Variants in GRAMD1C observed in about 807,000 individuals in gnomAD.
The protein encoded by GRAMD1C is protein Aster-C.
GRAMD1C carries 89 observed loss-of-function variants against 97.8 expected under a neutral mutation model. That is an observed-to-expected ratio of 0.91 (90% CI 0.77 to 1.09). The LOEUF (loss-of-function observed/expected upper bound fraction) is 1.09. GRAMD1C is among the 50% of genes least tolerant of loss of function. The pLI is 0.00. For synonymous variants in GRAMD1C, 256 were observed against 267.0 expected, an observed-to-expected ratio of 0.96 and a Z score of 0.40; for missense variants, 740 against 766.4, an observed-to-expected ratio of 0.97 and a Z score of 0.41.
intron 2 of GRAMD1C, among the ~76,000 whole-genome samples, chr3:113,860,812 A>G (rs1219688954): frequency 6.6e-6 from 1 of 152,034 alleles, no homozygotes; most frequent in Non-Finnish European, 1.5e-5. Flanking sequence ...TAAAAATATA[A>G]AAAATTAGCT....
intron 8 of GRAMD1C, among the ~76,000 whole-genome samples, chr3:113,907,136 C>T (rs1371421764): frequency 6.6e-6 from 1 of 152,202 alleles, no homozygotes; most frequent in Non-Finnish European, 1.5e-5. Flanking sequence ...TCCTAGCACA[C>T]ATTAAATATC....
rs140078248 is a variant in GRAMD1C at position 113,908,204 on chromosome 3, T to A, written c.790-754T>A. Among the ~76,000 whole-genome samples, 674 of 152,336 alleles carry A rather than the reference T, an allele frequency of 4.4e-3. 7 individuals are homozygous for A. The highest frequency in any genetic ancestry group is 0.015 in the African/African-American group (639 of 41,578). The stretch of plus-strand genomic sequence containing the variant: ...CAAGAAAATATTCTGCTGTATAGTT[T>A]ATATAGACTTTTTGTACTATTCCAC... On this transcript the variant is annotated intron_variant, in intron 8 of 17. Coordinates refer to ENST00000358160, the MANE Select transcript of GRAMD1C (RefSeq NM_017577.5).
chr3:113,879,667 C>T (rs1015417722), intron 5 of GRAMD1C, among the ~76,000 whole-genome samples: 1 of 151,390 alleles, frequency 6.6e-6, no homozygotes, highest in Middle Eastern at 3.2e-3. Context: ...GGCTCTGACA[C>T]TCCACACGGG....
Position 113,940,266 on chromosome 3 carries a change from C to G in GRAMD1C, c.1829C>G (p.Ala610Gly), listed in dbSNP as rs751726430. Residue 610 changes from alanine (A) to glycine (G), a missense_variant, in exon 17 of 18, where the codon GCA (alanine) becomes GGA (glycine). Ala to Gly is a moderately conservative substitution (Grantham distance 60). Coordinates refer to ENST00000358160, the MANE Select transcript of GRAMD1C (RefSeq NM_017577.5). ...TTAGCCTCTGATATGGTGTCAAGAG[C>G]AGAAACTATTCAGAAGAATAAAGAT... ...LNLASDMVSR[A>G]ETIQKNKDQA... is the part of the protein sequence containing the mutation. 1.2e-6 allele frequency: 2 copies of G among 1,606,254 alleles called. No individual in the cohort carries two copies. Among genetic ancestry groups the G allele is most frequent in the Non-Finnish European group, 1.7e-6 (2 of 1,172,784 alleles).
chr3:113,859,369 A>G (rs934825605), intron 2 of GRAMD1C, among the ~76,000 whole-genome samples: 5 of 152,048 alleles, frequency 3.3e-5, no homozygotes, highest in African/African-American at 1.2e-4. Context: ...TGTGTTGTTT[A>G]GTTTCCAAGT....
At chr3:113,882,957 C>T (rs374184421) in intron 6 of GRAMD1C, 125 bp downstream of exon 6, 4 of 505,970 alleles carry the variant, frequency 7.9e-6, no homozygotes, top group Non-Finnish European at 1.4e-5. Flanking sequence ...TAAGTAGAAA[C>T]TTCAATCAAA....
intron 6 of GRAMD1C, among the ~76,000 whole-genome samples, chr3:113,888,889 A>C (rs1935610247): frequency 6.6e-6 from 1 of 152,242 alleles, no homozygotes; most frequent in African/African-American, 2.4e-5. Flanking sequence ...CCAAATGTCC[A>C]TCAAGTGATT....
intron 1 of GRAMD1C, among the ~76,000 whole-genome samples, chr3:113,839,859 A>G (rs1348852134): frequency 1.3e-5 from 2 of 152,218 alleles, no homozygotes; most frequent in African/African-American, 2.4e-5. Context: ...CCACACAGCT[A>G]ATAAGTCAGA....
intron 2 of GRAMD1C, among the ~76,000 whole-genome samples, chr3:113,849,112 T>C: frequency 6.6e-6 from 1 of 152,116 alleles, no homozygotes; most frequent in Non-Finnish European, 1.5e-5. Context: ...ACATATGCAT[T>C]TATTTAGTGC....
intron 9 of GRAMD1C, among the ~76,000 whole-genome samples, chr3:113,913,858 A>G (rs567524509): frequency 6.6e-6 from 1 of 152,320 alleles, no homozygotes; most frequent in African/African-American, 2.4e-5. Context: ...CTGAAGTGAC[A>G]TTTGAAAAGG....
chr3:113,838,575 CA>C (rs35846590), upstream of GRAMD1C: 53,153 of 175,500 alleles, frequency 0.3, 3,263 homozygotes, highest in Admixed American at 0.38. Context: ...AACTCCGTCT[CA>C]AAAAAAAAAA....
intron 10 of GRAMD1C, among the ~76,000 whole-genome samples, chr3:113,928,249 C>T (rs939540926): frequency 2.0e-5 from 3 of 152,082 alleles, no homozygotes; most frequent in Middle Eastern, 3.2e-3. Flanking sequence ...GTTCATCAAC[C>T]CTGTTGTTTC....
chr3:113,837,405 A>G (rs561273975), upstream of GRAMD1C, among the ~76,000 whole-genome samples: 2 of 152,336 alleles, frequency 1.3e-5, no homozygotes, highest in East Asian at 1.9e-4. Context: ...GGAAGTCCCA[A>G]TGACATGTGT....
At chr3:113,871,663 T>G (rs1414309888) in intron 3 of GRAMD1C, among the ~76,000 whole-genome samples, 2 of 141,816 alleles carry the variant, frequency 1.4e-5, no homozygotes, top group Non-Finnish European at 3.0e-5. Context: ...GAGAATGGTG[T>G]GAACCTGGGA....
At chr3:113,917,033 G>A (rs1253007623) in intron 10 of GRAMD1C, among the ~76,000 whole-genome samples, 1 of 152,132 alleles carries the variant, frequency 6.6e-6, no homozygotes. Flanking sequence ...CTACTTGGGA[G>A]GCTGAGGTGG....
chr3:113,928,866 T>G (rs1937317012), intron 10 of GRAMD1C, among the ~76,000 whole-genome samples: 1 of 152,242 alleles, frequency 6.6e-6, no homozygotes. Flanking sequence ...GTTTATCCGT[T>G]CATCCATTAA....
At chr3:113,862,658 T>C (rs1934427386) in intron 2 of GRAMD1C, among the ~76,000 whole-genome samples, 1 of 152,122 alleles carries the variant, frequency 6.6e-6, no homozygotes, top group South Asian at 2.1e-4. Flanking sequence ...GAGATTAAAG[T>C]AAAGACAGGC....
At chr3:113,877,491 T>C (rs1935092036) in intron 5 of GRAMD1C, among the ~76,000 whole-genome samples, 1 of 152,214 alleles carries the variant, frequency 6.6e-6, no homozygotes, top group African/African-American at 2.4e-5. Context: ...TCGTCTTTTC[T>C]TGACTTTTAT....
intron 1 of GRAMD1C, among the ~76,000 whole-genome samples, chr3:113,828,923 T>TGGTAA (rs1284414050): frequency 1.4e-4 from 22 of 152,194 alleles, no homozygotes; most frequent in African/African-American, 5.3e-4. Context: ...TCTTTCCAAC[T>TGGTAA]CATCACTTCT....
Sources: gnomAD v4.1 joint callset for allele counts (sites outside exome capture counted in the v4.1 genomes callset) on GRCh38, gnomAD v4.1.1 for gene constraint, MANE v1.5 for transcripts, NCBI Gene and HGNC (gene_info 2026-07-23, HGNC 2026-07-21) for gene names.